The following CRMP1 variants were observed in gnomAD, a reference collection of about 807,000 sequenced individuals.
CRMP1 encodes collapsin response mediator protein 1, also known as dihydropyrimidinase-related protein 1.
CRMP1 carries 19 observed loss-of-function variants against 68.3 expected under a neutral mutation model. The observed-to-expected ratio is 0.28, with a 90% CI of 0.19 to 0.41. The LOEUF (loss-of-function observed/expected upper bound fraction) is 0.41, where lower values mean the gene tolerates loss of function less well. Ranked by LOEUF, CRMP1 falls within the 10% of genes least tolerant of loss-of-function variation. CRMP1 has a pLI of 1.00. For missense variants in CRMP1, 791 were observed against 967.4 expected (o/e 0.82, Z 2.42); for synonymous variants, 439 against 399.6 (o/e 1.10, Z -1.18).
chr4:5,825,001 C>G lies in CRMP1; in HGVS notation c.1969+493G>C, dbSNP rs145859752. The G allele has an allele frequency of 0.011, 10,471 of 985,272 alleles. 55 individuals are homozygous for G. Among genetic ancestry groups the G allele is most frequent in the Non-Finnish European group, 0.012 (9,760 of 829,790 alleles). The allele number at this position is 985,272 out of a possible 1,614,324, so 61.0% of individuals were successfully genotyped here. A position where few individuals can be genotyped will look rare whatever the true frequency, so the allele number is the denominator to read the frequency against. On this transcript the variant is annotated intron_variant, in intron 13 of 13. Transcript: ENST00000324989. The surrounding 1 kb of genome is among the most constrained non-coding windows in gnomAD (Gnocchi z 4.4). ...GGATTTCTTGGGGCTTCCGTTTCCTCTTTAAATAAATAGGGTATAATGTTA... is the reference window on the plus strand; with the variant it reads ...GGATTTCTTGGGGCTTCCGTTTCCTGTTTAAATAAATAGGGTATAATGTTA...
At chr4:5,824,766 G>A (rs1291619278) in intron 13 of CRMP1, 9 of 984,216 alleles carry the variant, frequency 9.1e-6, no homozygotes, top group South Asian at 4.7e-5. Context: ...TACCCAGCAC[G>A]GTGTGCAACC....
At position 5,838,255 on chromosome 4, in the gene CRMP1, AC is replaced by A. The variant is rs1310042217; in HGVS notation, c.1310+1266del. ...AGGGTCAGCATGAAGCTGGGACTGG[AC>A]CGAGGGAGCCAAGGGCAGAGGAGGC... On this transcript the variant is annotated intron_variant, in intron 9 of 13. Coordinates refer to ENST00000324989, the MANE Select transcript of CRMP1 (RefSeq NM_001014809.3). The surrounding 1 kb of genome is among the most constrained non-coding windows in gnomAD (Gnocchi z 4.9). 1.3e-5 allele frequency among the ~76,000 whole-genome samples: 2 copies of A among 151,998 alleles called. No individual in the cohort carries two copies. Among genetic ancestry groups the A allele is most frequent in the African/African-American group, 4.8e-5 (2 of 41,370 alleles).
rs1715870574 is a variant in CRMP1, at chr4:5,890,088, A to G, written c.381+2501T>C. ...GCATCCCTGGCTCTCAGCGGGGCCTAAAATCCCTGTCAATGACCGGAAATT... is the reference window on the plus strand; with the variant it reads ...GCATCCCTGGCTCTCAGCGGGGCCTGAAATCCCTGTCAATGACCGGAAATT... On this transcript the variant is annotated intron_variant, in intron 1 of 13. Coordinates refer to ENST00000324989, the MANE Select transcript of CRMP1 (RefSeq NM_001014809.3). This position sits in a 1 kb window ranked among gnomAD's most constrained non-coding sequence, Gnocchi z 5.5. 3.2e-6 allele frequency: 1 copy of G among 309,406 alleles called. No individual in the cohort carries two copies. The highest frequency in any genetic ancestry group is 5.1e-5 in the Admixed American group (1 of 19,702). The allele number at this position is 309,406 out of a possible 1,614,324, so 19.2% of individuals were successfully genotyped here. A position where few individuals can be genotyped will look rare whatever the true frequency, so the allele number is the denominator to read the frequency against.
At chr4:5,874,572 G>A (rs1714678921) in intron 1 of CRMP1, among the ~76,000 whole-genome samples, 1 of 152,146 alleles carries the variant, frequency 6.6e-6, no homozygotes, top group Non-Finnish European at 1.5e-5. Context: ...AACCAGCCAG[G>A]ACCCTTACAC....
rs969503387 is a variant in CRMP1 at position 5,884,744 on chromosome 4, G to A, written c.381+7845C>T. ...GACTAGAGCAAAAACACATGTGATC[G>A]GTACTCATGAAGCTTCATTTTTAAT... On this transcript the variant is annotated intron_variant, in intron 1 of 13. Coordinates refer to ENST00000324989, the MANE Select transcript of CRMP1 (RefSeq NM_001014809.3). Among the ~76,000 whole-genome samples the A allele has an allele frequency of 2.7e-4, 41 of 152,060 alleles. 1 individual carries two copies. The highest frequency in any genetic ancestry group is 2.2e-3 in the Admixed American group (34 of 15,270).
rs928833047 is a variant in CRMP1 at position 5,838,627 on chromosome 4, A to G, written c.1310+895T>C. Among the ~76,000 whole-genome samples the G allele has an allele frequency of 2.0e-5, 3 of 152,094 alleles. No individual in the cohort carries two copies. Among genetic ancestry groups the G allele is most frequent in the African/African-American group, 7.2e-5 (3 of 41,414 alleles). ...GGGACTAGCAGCTTTATGGGGGAAG[A>G]TCTGCAGTTCTTTGTAAACGTGAGC... On this transcript the variant is annotated intron_variant, in intron 9 of 13. Coordinates refer to ENST00000324989, the MANE Select transcript of CRMP1 (RefSeq NM_001014809.3). This position sits in a 1 kb window ranked among gnomAD's most constrained non-coding sequence, Gnocchi z 4.9.
intron 13 of CRMP1, among the ~76,000 whole-genome samples, chr4:5,823,041 T>C (rs529085267): frequency 2.6e-5 from 4 of 152,246 alleles, no homozygotes; most frequent in Admixed American, 2.6e-4. Flanking sequence ...TCTTGGTGAA[T>C]TTTTTTTACT....
In CRMP1 at chr4:5,891,191, C is replaced by CAG. The variant is rs1715931092; in HGVS notation, c.381+1397_381+1398insCT. The stretch of plus-strand genomic sequence containing the variant: ...ACACACACATACACACACACACACA[C>CAG]ACACACACACACACACACACACCCT... On this transcript the variant is annotated intron_variant, in intron 1 of 13. Transcript: ENST00000324989. This position sits in a 1 kb window ranked among gnomAD's most constrained non-coding sequence, Gnocchi z 5.2. Among the ~76,000 whole-genome samples, 1 of 150,690 alleles carries CAG rather than the reference C, an allele frequency of 6.6e-6. No individual in the cohort carries two copies. Among genetic ancestry groups the CAG allele is most frequent in the Non-Finnish European group, 1.5e-5 (1 of 67,622 alleles).
intron 1 of CRMP1, among the ~76,000 whole-genome samples, chr4:5,878,501 A>G (rs1010412730): frequency 6.6e-6 from 1 of 152,240 alleles, no homozygotes; most frequent in Non-Finnish European, 1.5e-5. Flanking sequence ...CATTACATGC[A>G]GAGACCTGTC....
Position 5,892,481 on chromosome 4 carries a change from G to A in CRMP1, c.381+108C>T, listed in dbSNP as rs1577859825. On this transcript the variant is annotated intron_variant, in intron 1 of 13. Transcript: ENST00000324989. The surrounding 1 kb of genome is among the most constrained non-coding windows in gnomAD (Gnocchi z 8.6). ...GCGCCGTGGCTCTCCCCAGCCTGGC[G>A]GCCGCTGCCCCAACACCGGGGCCCG... 1.9e-6 allele frequency: 2 copies of A among 1,073,172 alleles called. No homozygotes were observed. The highest frequency in any genetic ancestry group is 9.3e-5 in the East Asian group (2 of 21,396). The allele number at this position is 1,073,172 out of a possible 1,614,324, so 66.5% of individuals were successfully genotyped here.
rs1255127117 is a variant in CRMP1, at chr4:5,877,674, G to A, written c.382-10918C>T. 6.6e-6 allele frequency among the ~76,000 whole-genome samples: 1 copy of A among 152,198 alleles called. No homozygotes were observed. Among genetic ancestry groups the A allele is most frequent in the African/African-American group, 2.4e-5 (1 of 41,448 alleles). ...CCCCCTCTCACGGGTAGGGGACAGG[G>A]CGGCTTTCCCCCTTTCATGAATGGG... is the stretch of plus-strand genomic sequence containing the variant. On this transcript the variant is annotated intron_variant, in intron 1 of 13. Transcript: ENST00000324989. The surrounding 1 kb of genome is among the most constrained non-coding windows in gnomAD (Gnocchi z 4.3).
intron 9 of CRMP1, 87 bp from the exon 10 acceptor site, chr4:5,836,993 C>T (rs1422670804): frequency 2.1e-6 from 3 of 1,437,872 alleles, no homozygotes; most frequent in Admixed American, 2.2e-5. Flanking sequence ...GCAGCACAGC[C>T]AGTGAATGAA....
At position 5,889,990 on chromosome 4, in the gene CRMP1, T is replaced by C. The variant is rs1273687111; in HGVS notation, c.381+2599A>G. Reference sequence around the variant, plus strand: ...TACCCCGGGTGCAAAACATATTAGCTGCAGCAAAGCAGCATGGAGATGCCA... The same window carrying C: ...TACCCCGGGTGCAAAACATATTAGCCGCAGCAAAGCAGCATGGAGATGCCA... On this transcript the variant is annotated intron_variant, in intron 1 of 13. Coordinates refer to ENST00000324989, the MANE Select transcript of CRMP1 (RefSeq NM_001014809.3). The surrounding 1 kb of genome is among the most constrained non-coding windows in gnomAD (Gnocchi z 4.5). The C allele has an allele frequency of 2.6e-6, 3 of 1,141,242 alleles. No homozygotes were observed. The highest frequency in any genetic ancestry group is 7.0e-5 in the Admixed American group (2 of 28,760). 70.7% of individuals were successfully genotyped at this position (1,141,242 alleles called of 1,614,324 possible).
Position 5,883,581 on chromosome 4 carries a change from A to G in CRMP1, c.381+9008T>C, listed in dbSNP as rs1319373405. On this transcript the variant is annotated intron_variant, in intron 1 of 13. Coordinates refer to ENST00000324989, the MANE Select transcript of CRMP1 (RefSeq NM_001014809.3). This position sits in a 1 kb window ranked among gnomAD's most constrained non-coding sequence, Gnocchi z 4.5. ...CTCCCAAAGTGCTGGGATTACAGGC[A>G]CCCTTTAGTCTTTCTTAAGTTGTTT... Among the ~76,000 whole-genome samples the G allele has an allele frequency of 6.6e-6, 1 of 151,740 alleles. No individual in the cohort carries two copies. Among genetic ancestry groups the G allele is most frequent in the East Asian group, 1.9e-4 (1 of 5,138 alleles).
At chr4:5,880,007 G>A (rs536553607) in intron 1 of CRMP1, among the ~76,000 whole-genome samples, 13 of 152,338 alleles carry the variant, frequency 8.5e-5, no homozygotes, top group Middle Eastern at 3.4e-3. Context: ...ATCTTCCAGT[G>A]CCTCTAGGAA....
intron 1 of CRMP1, among the ~76,000 whole-genome samples, chr4:5,867,447 A>T (rs1187462006): frequency 6.6e-6 from 1 of 152,010 alleles, no homozygotes; most frequent in East Asian, 1.9e-4. Context: ...ACTTAGAGAC[A>T]TTTAAAAAGA....
intron 2 of CRMP1, among the ~76,000 whole-genome samples, chr4:5,863,269 G>A (rs187779966): frequency 6.6e-6 from 1 of 151,950 alleles, no homozygotes; most frequent in East Asian, 1.9e-4. Context: ...ACTCTCTCTG[G>A]TCTCCCATCA....
intron 2 of CRMP1, among the ~76,000 whole-genome samples, chr4:5,863,106 CTTTTTTTCCTTTTTT>C (rs988222236): frequency 1.8e-5 from 2 of 110,470 alleles, no homozygotes; most frequent in Admixed American, 2.0e-4. Context: ...GACCTTTTTT[CTTTTTTTCCTTTTTT>C]TTTTTTTTTA....
In CRMP1 at chr4:5,883,471, T is replaced by G. The variant is rs1372407339; in HGVS notation, c.381+9118A>C. The stretch of plus-strand genomic sequence containing the variant: ...GCCCGCCACCATGCCTGGCTAATTT[T>G]TGTATTTTTAGTAGAGACAGGGTTT... On this transcript the variant is annotated intron_variant, in intron 1 of 13. Coordinates refer to ENST00000324989, the MANE Select transcript of CRMP1 (RefSeq NM_001014809.3). The surrounding 1 kb of genome is among the most constrained non-coding windows in gnomAD (Gnocchi z 4.5). 6.6e-6 allele frequency among the ~76,000 whole-genome samples: 1 copy of G among 152,090 alleles called. No individual in the cohort carries two copies. The highest frequency in any genetic ancestry group is 2.4e-5 in the African/African-American group (1 of 41,394).
Sources: allele counts gnomAD v4.1 joint callset (sites outside exome capture counted in the v4.1 genomes callset), GRCh38; gene constraint gnomAD v4.1.1; non-coding constraint Gnocchi (gnomAD v3.1); transcripts MANE v1.5; gene names NCBI Gene and HGNC (gene_info 2026-07-23, HGNC 2026-07-21).